RETREG1: variants seen among roughly 807,000 people sequenced by gnomAD.
The protein encoded by RETREG1 is reticulophagy regulator 1.
Under a neutral mutation model 54.8 loss-of-function variants are expected in RETREG1, and 44 were observed. The ratio of observed to expected loss-of-function variants is 0.80; its 90% confidence interval spans 0.63 to 1.03. The LOEUF (loss-of-function observed/expected upper bound fraction) is 1.03, where lower values mean the gene tolerates loss of function less well. RETREG1 is among the 50% of genes least tolerant of loss of function. The pLI is 0.00. For synonymous variants in RETREG1, 217 were observed against 238.5 expected (o/e 0.91, Z 0.83); for missense variants, 554 against 605.1 (o/e 0.92, Z 0.89).
At chr5:16,610,018 G>T (rs2126374676) in intron 1 of RETREG1, among the ~76,000 whole-genome samples, 1 of 152,298 alleles carries the variant, frequency 6.6e-6, no homozygotes, top group South Asian at 2.1e-4. Flanking sequence ...TGTGGAGGAG[G>T]CCCATGATTT....
rs74452126 is a variant in RETREG1 at position 16,505,134 on chromosome 5, C to T, written c.459-21662G>A. Among the ~76,000 whole-genome samples the T allele has an allele frequency of 9.2e-3, 1,405 of 152,254 alleles. 14 individuals carry two copies. Among genetic ancestry groups the T allele is most frequent in the South Asian group, 0.034 (166 of 4,828 alleles). ...GAACACAAATGTACGGCAGCCCTAC[C>T]GCTCCGGAGTCCAGCGATCACAAAA... On this transcript the variant is annotated intron_variant, in intron 3 of 8. Coordinates refer to ENST00000306320, the MANE Select transcript of RETREG1 (RefSeq NM_001034850.3).
At chr5:16,502,393 A>G (rs1430086994) in intron 3 of RETREG1, among the ~76,000 whole-genome samples, 1 of 152,232 alleles carries the variant, frequency 6.6e-6, no homozygotes, top group Non-Finnish European at 1.5e-5. Flanking sequence ...CCAATTGAAT[A>G]TGGTGGGACT....
chr5:16,595,573 T>C (rs1742877899), intron 1 of RETREG1, among the ~76,000 whole-genome samples: 1 of 152,196 alleles, frequency 6.6e-6, no homozygotes, highest in African/African-American at 2.4e-5. Flanking sequence ...AAATTCTTCC[T>C]ATGAAAAGTT....
At chr5:16,533,604 T>G (rs1036455975) in intron 3 of RETREG1, among the ~76,000 whole-genome samples, 1 of 152,042 alleles carries the variant, frequency 6.6e-6, no homozygotes, top group African/African-American at 2.4e-5. Context: ...TGGTGAGAAT[T>G]CACACCCCCA....
intron 1 of RETREG1, among the ~76,000 whole-genome samples, chr5:16,609,954 C>G (rs1486603227): frequency 1.3e-5 from 2 of 152,142 alleles, no homozygotes; most frequent in African/African-American, 4.8e-5. Context: ...ACCTAGAGAG[C>G]TGGAGAAAAC....
At position 16,587,802 on chromosome 5, in the gene RETREG1, G is replaced by A. The variant is rs1316410111; in HGVS notation, c.321-15700C>T. Among the ~76,000 whole-genome samples, 3 of 152,284 alleles carry A rather than the reference G, an allele frequency of 2.0e-5. No individual in the cohort carries two copies. In the South Asian group the frequency reaches 6.2e-4, roughly 32 times the overall value. ...TGGCACCCACTCTTACCTTGGGTGT[G>A]CTCAATTGTTCTGCCTGGTTCTCCC... On this transcript the variant is annotated intron_variant, in intron 1 of 8. Coordinates refer to ENST00000306320, the MANE Select transcript of RETREG1 (RefSeq NM_001034850.3).
intron 3 of RETREG1, among the ~76,000 whole-genome samples, chr5:16,524,721 T>C (rs377402254): frequency 6.6e-6 from 1 of 152,256 alleles, no homozygotes; most frequent in African/African-American, 2.4e-5. Context: ...CTCCAGCTTC[T>C]GTGTCCTTCC....
intron 3 of RETREG1, among the ~76,000 whole-genome samples, chr5:16,563,423 A>G (rs1741923189): frequency 6.6e-6 from 1 of 151,300 alleles, no homozygotes; most frequent in Non-Finnish European, 1.5e-5. Flanking sequence ...ATGCCCAGCT[A>G]ATTTTTGTAT....
intron 3 of RETREG1, among the ~76,000 whole-genome samples, chr5:16,525,368 C>T (rs576925377): frequency 2.6e-4 from 40 of 152,242 alleles, no homozygotes; most frequent in Non-Finnish European, 5.3e-4. Context: ...CTTCGAGATG[C>T]TCAAGCCCCT....
chr5:16,527,821 TTTTTTTG>T (rs1378192169), intron 3 of RETREG1, among the ~76,000 whole-genome samples: 1 of 134,874 alleles, frequency 7.4e-6, no homozygotes. Flanking sequence ...TTTTTTTTTT[TTTTTTTG>T]AGATGCAGTC....
At chr5:16,550,697 G>A (rs1225540398) in intron 3 of RETREG1, among the ~76,000 whole-genome samples, 1 of 152,162 alleles carries the variant, frequency 6.6e-6, no homozygotes, top group East Asian at 1.9e-4. Context: ...TCCCTACTCA[G>A]AATAATCAAA....
At chr5:16,532,017 AC>A (rs1740931858) in intron 3 of RETREG1, among the ~76,000 whole-genome samples, 1 of 152,104 alleles carries the variant, frequency 6.6e-6, no homozygotes, top group African/African-American at 2.4e-5. Context: ...ATGGAAATGG[AC>A]CCATTATCTC....
At chr5:16,476,361 G>A (rs1738537675) in intron 8 of RETREG1, among the ~76,000 whole-genome samples, 1 of 152,112 alleles carries the variant, frequency 6.6e-6, no homozygotes, top group African/African-American at 2.4e-5. Flanking sequence ...CTGCTCATAT[G>A]TTCAGTATAT....
chr5:16,584,796 T>C (rs1188459547), intron 1 of RETREG1, among the ~76,000 whole-genome samples: 2 of 152,218 alleles, frequency 1.3e-5, no homozygotes, highest in East Asian at 3.8e-4. Context: ...TCAATTGTAA[T>C]ATGTATCCCA....
Position 16,481,096 on chromosome 5 carries a change from G to C in RETREG1, c.586-3C>G, listed in dbSNP as rs1278677950. ...ACACTACAGACCAGGAGACAAAACT[G>C]GAAATAATAGAAATAACATGGGATA... On this transcript the variant is annotated splice_polypyrimidine_tract_variant and splice_region_variant and intron_variant, in intron 4 of 8. Coordinates refer to ENST00000306320, the MANE Select transcript of RETREG1 (RefSeq NM_001034850.3). The C allele has an allele frequency of 6.2e-7, 1 of 1,604,512 alleles. No homozygotes were observed. Among genetic ancestry groups the C allele is most frequent in the Non-Finnish European group, 8.5e-7 (1 of 1,172,158 alleles).
chr5:16,608,623 A>C (rs1743259357), intron 1 of RETREG1, among the ~76,000 whole-genome samples: 1 of 152,182 alleles, frequency 6.6e-6, no homozygotes, highest in South Asian at 2.1e-4. Context: ...TGTGTCTCCT[A>C]AACCAGTGGG....
At chr5:16,614,198 T>G (rs555587781) in intron 1 of RETREG1, among the ~76,000 whole-genome samples, 1 of 152,260 alleles carries the variant, frequency 6.6e-6, no homozygotes, top group East Asian at 1.9e-4. Flanking sequence ...CTTTCAATTA[T>G]TTTATGCAAA....
Position 16,593,083 on chromosome 5 carries a change from C to T in RETREG1, c.321-20981G>A, listed in dbSNP as rs1016931438. Among the ~76,000 whole-genome samples the T allele has an allele frequency of 6.6e-6, 1 of 152,164 alleles. No individual in the cohort carries two copies. Among genetic ancestry groups the T allele is most frequent in the African/African-American group, 2.4e-5 (1 of 41,444 alleles). ...AAAATGTGGATTCTTTGACAAAAGG[C>T]GTTTGCTTCCTAAAGCTCGGCAAAG... On this transcript the variant is annotated intron_variant, in intron 1 of 8. Transcript: ENST00000306320. This position sits in a 1 kb window ranked among gnomAD's most constrained non-coding sequence, Gnocchi z 4.9.
chr5:16,490,449 T>A (rs1739198547), intron 3 of RETREG1, among the ~76,000 whole-genome samples: 1 of 152,148 alleles, frequency 6.6e-6, no homozygotes, highest in African/African-American at 2.4e-5. Context: ...GGTTATATAA[T>A]AAATCAAGCA....
Sources: gnomAD v4.1 joint callset for allele counts (sites outside exome capture counted in the v4.1 genomes callset) on GRCh38, gnomAD v4.1.1 for gene constraint, Gnocchi (gnomAD v3.1) non-coding constraint, MANE v1.5 for transcripts, NCBI Gene and HGNC (gene_info 2026-07-23, HGNC 2026-07-21) for gene names.